The following DPP10 variants were observed in gnomAD, a reference collection of about 807,000 sequenced individuals.
DPP10 encodes inactive dipeptidyl peptidase 10.
Under a neutral mutation model 120.9 loss-of-function variants are expected in DPP10, and 33 were observed. The observed-to-expected ratio is 0.27, with a 90% CI of 0.21 to 0.37. The LOEUF (loss-of-function observed/expected upper bound fraction) is 0.37. Among genes scored for constraint, DPP10 ranks in the 10% least tolerant of loss-of-function variants. DPP10 has a pLI of 1.00. For synonymous variants in DPP10, 337 were observed against 326.1 expected, an observed-to-expected ratio of 1.03 and a Z score of -0.36; for missense variants, 816 against 942.8, an observed-to-expected ratio of 0.87 and a Z score of 1.76.
rs759791793 is a variant in DPP10, at chr2:115,758,274, A to G, written c.1075-4298A>G. 1.3e-5 allele frequency among the ~76,000 whole-genome samples: 2 copies of G among 152,118 alleles called. 1 individual carries two copies. The highest frequency in any genetic ancestry group is 4.8e-5 in the African/African-American group (2 of 41,434). ...TGTCTATAAGTTTGTACTTGTTTCA[A>G]AATAAAGAATGAAGAAACAACAAAA... On this transcript the variant is annotated intron_variant, in intron 11 of 25. Transcript: ENST00000410059.
intron 1 of DPP10, among the ~76,000 whole-genome samples, chr2:114,467,093 G>T (rs767237562): frequency 2.6e-5 from 4 of 151,424 alleles, no homozygotes; most frequent in East Asian, 1.9e-4. Flanking sequence ...ACACTGACAG[G>T]TGCCTATCCA....
intron 1 of DPP10, among the ~76,000 whole-genome samples, chr2:115,185,553 A>C (rs1414945238): frequency 1.3e-5 from 2 of 152,172 alleles, no homozygotes; most frequent in East Asian, 3.9e-4. Context: ...AAAGTACCTA[A>C]AATTTATTAT....
At chr2:115,108,843 G>T (rs1573643488) in intron 1 of DPP10, among the ~76,000 whole-genome samples, 1 of 152,272 alleles carries the variant, frequency 6.6e-6, no homozygotes, top group East Asian at 1.9e-4. Flanking sequence ...GAGAAGTTGG[G>T]TTCATGGTTG....
chr2:114,679,887 A>C (rs1573952437), intron 1 of DPP10, among the ~76,000 whole-genome samples: 1 of 152,120 alleles, frequency 6.6e-6, no homozygotes, highest in African/African-American at 2.4e-5. Flanking sequence ...CAGCATAGAA[A>C]ACCTCTAGCT....
At chr2:115,223,682 G>C (rs1234073550) in intron 1 of DPP10, among the ~76,000 whole-genome samples, 1 of 152,102 alleles carries the variant, frequency 6.6e-6, no homozygotes, top group Non-Finnish European at 1.5e-5. Context: ...GCAACAATAT[G>C]CTAGAAAGTT....
intron 5 of DPP10, among the ~76,000 whole-genome samples, chr2:115,627,096 A>C (rs1320747114): frequency 6.6e-6 from 1 of 152,214 alleles, no homozygotes; most frequent in Admixed American, 6.6e-5. Flanking sequence ...AGAAAAATAT[A>C]GAATAACATG....
intron 1 of DPP10, among the ~76,000 whole-genome samples, chr2:114,823,364 C>T (rs1230090916): frequency 4.6e-5 from 7 of 152,056 alleles, no homozygotes; most frequent in Admixed American, 6.5e-5. Context: ...TCACCCCCCA[C>T]GAAGTCCCTC....
intron 1 of DPP10, among the ~76,000 whole-genome samples, chr2:114,696,478 A>C (rs1213415147): frequency 1.3e-5 from 2 of 152,080 alleles, no homozygotes; most frequent in Admixed American, 1.3e-4. Flanking sequence ...TTTTATTTGC[A>C]GCTGAAGCTA....
intron 1 of DPP10, among the ~76,000 whole-genome samples, chr2:114,813,625 C>A (rs1685368756): frequency 6.6e-6 from 1 of 152,092 alleles, no homozygotes; most frequent in Non-Finnish European, 1.5e-5. Flanking sequence ...TTGTGAGAGG[C>A]ACAGGTACAT....
intron 1 of DPP10, among the ~76,000 whole-genome samples, chr2:114,925,399 A>G (rs1419578512): frequency 6.6e-6 from 1 of 152,130 alleles, no homozygotes. Context: ...CCTCCTTCAG[A>G]AGGGGAGAAA....
chr2:115,247,503 A>T (rs761439465), intron 1 of DPP10, among the ~76,000 whole-genome samples: 2 of 152,116 alleles, frequency 1.3e-5, no homozygotes, highest in Non-Finnish European at 2.9e-5. Context: ...CAAAAAGAGG[A>T]TGACTGCCCC....
chr2:114,901,191 G>C (rs1286950585), intron 1 of DPP10, among the ~76,000 whole-genome samples: 1 of 151,772 alleles, frequency 6.6e-6, no homozygotes, highest in African/African-American at 2.4e-5. Flanking sequence ...TTGTTTTTTT[G>C]TTTGTTTGTT....
intron 1 of DPP10, among the ~76,000 whole-genome samples, chr2:114,936,170 C>G (rs1305270323): frequency 6.6e-6 from 1 of 151,950 alleles, no homozygotes; most frequent in Non-Finnish European, 1.5e-5. Context: ...TCCCCGAAGT[C>G]CATTGTCTCA....
At chr2:115,833,551 C>T (rs778425589) in intron 21 of DPP10, among the ~76,000 whole-genome samples, 53 of 152,170 alleles carry the variant, frequency 3.5e-4, no homozygotes, top group African/African-American at 5.5e-4. Flanking sequence ...TCTGAAAATC[C>T]GAAATTTGAA....
At chr2:115,342,866 A>G (rs1437884158) in intron 2 of DPP10, among the ~76,000 whole-genome samples, 1 of 152,106 alleles carries the variant, frequency 6.6e-6, no homozygotes, top group Non-Finnish European at 1.5e-5. Flanking sequence ...AGGGAATTGC[A>G]TTTGACGTTA....
At chr2:114,973,001 T>C (rs763702643) in intron 1 of DPP10, among the ~76,000 whole-genome samples, 3 of 152,238 alleles carry the variant, frequency 2.0e-5, no homozygotes, top group Non-Finnish European at 4.4e-5. Flanking sequence ...CATTGCATTT[T>C]GTAATTTTGT....
intron 1 of DPP10, among the ~76,000 whole-genome samples, chr2:114,459,193 T>G (rs953950565): frequency 6.6e-6 from 1 of 152,212 alleles, no homozygotes; most frequent in African/African-American, 2.4e-5. Flanking sequence ...GTTCCCTATA[T>G]CATGCTGTTC....
At chr2:115,799,683 T>C (rs1035419776) in intron 19 of DPP10, among the ~76,000 whole-genome samples, 28 of 147,886 alleles carry the variant, frequency 1.9e-4, no homozygotes, top group Non-Finnish European at 3.4e-4. Flanking sequence ...GAACATGCGG[T>C]GTTTGGTTTT....
At chr2:114,839,240 G>A (rs56032304) in intron 1 of DPP10, among the ~76,000 whole-genome samples, 13,256 of 152,220 alleles carry the variant, frequency 0.087, 697 homozygotes, top group Non-Finnish European at 0.11. Context: ...AAAGTATGGT[G>A]TGAAAGAGAT....
Sources: gnomAD v4.1 joint callset for allele counts (sites outside exome capture counted in the v4.1 genomes callset) on GRCh38, gnomAD v4.1.1 for gene constraint, MANE v1.5 for transcripts, NCBI Gene and HGNC (gene_info 2026-07-23, HGNC 2026-07-21) for gene names.